Variants in DNAH11 observed in about 807,000 individuals in gnomAD.
The protein encoded by DNAH11 is dynein axonemal heavy chain 11, also known as axonemal beta dynein heavy chain 11.
DNAH11 carries 442 observed loss-of-function variants against 526.0 expected under a neutral mutation model. The ratio of observed to expected loss-of-function variants is 0.84; its 90% confidence interval spans 0.78 to 0.91. The LOEUF is 0.91. DNAH11 is among the 40% of genes least tolerant of loss of function. The pLI, the probability that DNAH11 is intolerant of heterozygous loss-of-function variation, is 0.00. For missense variants in DNAH11, 6,989 were observed against 5,448.7 expected (o/e 1.28, Z -8.90); for synonymous variants, 2,461 against 1,935.9 (o/e 1.27, Z -7.12).
intron 63 of DNAH11, among the ~76,000 whole-genome samples, chr7:21,811,062 C>A (rs1482495848): frequency 6.6e-6 from 1 of 152,140 alleles, no homozygotes; most frequent in African/African-American, 2.4e-5. Flanking sequence ...GATTTTTAAA[C>A]ATACGGTATA....
intron 65 of DNAH11, among the ~76,000 whole-genome samples, chr7:21,832,788 T>C (rs1398394557): frequency 1.3e-5 from 2 of 152,208 alleles, no homozygotes; most frequent in Non-Finnish European, 2.9e-5. Context: ...GAATGGCTTT[T>C]AAAGGATTGG....
chr7:21,851,365 A>G (rs139291125), intron 66 of DNAH11: 2 of 303,180 alleles, frequency 6.6e-6, no homozygotes, highest in African/African-American at 4.3e-5. Flanking sequence ...CTATGAGTCA[A>G]TTAAATCTCT....
chr7:21,736,037 A>G (rs2128489217), intron 46 of DNAH11, among the ~76,000 whole-genome samples, 193 bp downstream of exon 46: 1 of 152,264 alleles, frequency 6.6e-6, no homozygotes, highest in East Asian at 1.9e-4. Flanking sequence ...TTTTTATGTC[A>G]CTCATGGCTT....
Position 21,735,809 on chromosome 7 carries a change from C to G in DNAH11, c.7610C>G (p.Pro2537Arg), listed in dbSNP as rs1224992389. Residue 2537 changes from proline (P) to arginine (R), a missense_variant, in exon 46 of 82, where the codon CCT (proline) becomes CGT (arginine). Coordinates refer to ENST00000409508, the MANE Select transcript of DNAH11 (RefSeq NM_001277115.2). The part of the protein sequence containing the change: ...LSEDYIVSRV[P>R]FNYYTTSTAL... ...GAGGATTACATAGTATCCCGTGTGC[C>G]TTTCAACTACTACACGACATCCACA... 1 of 1,613,398 alleles carries G rather than the reference C, an allele frequency of 6.2e-7. No homozygotes were observed. The highest frequency in any genetic ancestry group is 1.1e-5 in the South Asian group (1 of 90,976).
rs572667769 is a variant in DNAH11, at chr7:21,714,703, G to C, written c.6983+2843G>C. 9.2e-4 allele frequency among the ~76,000 whole-genome samples: 140 copies of C among 152,286 alleles called. 1 individual carries two copies. The highest frequency in any genetic ancestry group is 3.3e-3 in the African/African-American group (137 of 41,560). Reference sequence around the variant, plus strand: ...AGAAAAGTTGGAAAGGTAGTACAATGCGCAGCCAGAGACGCTTTTCCTGCA... The same window carrying C: ...AGAAAAGTTGGAAAGGTAGTACAATCCGCAGCCAGAGACGCTTTTCCTGCA... On this transcript the variant is annotated intron_variant, in intron 42 of 81. Transcript: ENST00000409508.
intron 11 of DNAH11, 100 bp from the exon 12 acceptor site, chr7:21,589,108 T>G (rs1194779456): frequency 3.4e-6 from 3 of 888,072 alleles, no homozygotes; most frequent in Non-Finnish European, 4.8e-6. Flanking sequence ...CCTGGTTGTT[T>G]ATAGTGTATT....
chr7:21,651,648 G>A (rs1267740013), intron 28 of DNAH11, among the ~76,000 whole-genome samples: 1 of 152,206 alleles, frequency 6.6e-6, no homozygotes, highest in East Asian at 1.9e-4. Context: ...TTAGATAAAT[G>A]TAAGTTCTTT....
At chr7:21,821,747 TAATA>T (rs1790059714) in intron 65 of DNAH11, among the ~76,000 whole-genome samples, 1 of 152,046 alleles carries the variant, frequency 6.6e-6, no homozygotes, top group East Asian at 1.9e-4. Context: ...TTAAAATATA[TAATA>T]AATTATTGGT....
chr7:21,609,361 A>G (rs1583525135), intron 20 of DNAH11, among the ~76,000 whole-genome samples: 1 of 152,104 alleles, frequency 6.6e-6, no homozygotes, highest in Non-Finnish European at 1.5e-5. Context: ...GACCACAGAC[A>G]GGCACGCACC....
intron 2 of DNAH11, among the ~76,000 whole-genome samples, chr7:21,557,613 A>G (rs1783272011): frequency 6.6e-6 from 1 of 151,990 alleles, no homozygotes. Flanking sequence ...TCCTAATACC[A>G]TCATTTTGGG....
chr7:21,882,263 C>T lies in DNAH11; in HGVS notation c.12387+1370C>T, dbSNP rs145103110. Among the ~76,000 whole-genome samples, 11 of 152,230 alleles carry T rather than the reference C, an allele frequency of 7.2e-5. No homozygotes were observed. The East Asian group carries it at 1.9e-3, about 27-fold the overall frequency. ...GTCTTGGAAACACCAGTTGACCAACCGAGTCACACTGTGTCCTGCTTTTTT... is the reference window on the plus strand; with the variant it reads ...GTCTTGGAAACACCAGTTGACCAACTGAGTCACACTGTGTCCTGCTTTTTT... On this transcript the variant is annotated intron_variant, in intron 75 of 81. Transcript: ENST00000409508.
intron 6 of DNAH11, among the ~76,000 whole-genome samples, chr7:21,564,718 T>C (rs1464165309): frequency 6.6e-6 from 1 of 152,138 alleles, no homozygotes; most frequent in Non-Finnish European, 1.5e-5. Flanking sequence ...TCCCTTCGGT[T>C]TTCACAGAAA....
intron 54 of DNAH11, among the ~76,000 whole-genome samples, chr7:21,753,721 G>A (rs564749513): frequency 1.3e-5 from 2 of 152,180 alleles, no homozygotes; most frequent in African/African-American, 4.8e-5. Context: ...CTATAAATTA[G>A]TAAAGCTTTA....
chr7:21,599,782 T>A lies in DNAH11; in HGVS notation c.2668-5T>A. The A allele has an allele frequency of 6.5e-7, 1 of 1,528,492 alleles. No homozygotes were observed. Among genetic ancestry groups the A allele is most frequent in the Non-Finnish European group, 8.8e-7 (1 of 1,138,070 alleles). 94.7% of individuals were successfully genotyped at this position (1,528,492 alleles called of 1,614,324 possible). On this transcript the variant is annotated splice_polypyrimidine_tract_variant and splice_region_variant and intron_variant, in intron 14 of 81. Coordinates refer to ENST00000409508, the MANE Select transcript of DNAH11 (RefSeq NM_001277115.2). Reference sequence around the variant, plus strand: ...ATTCATCCACTAATACTTGTCTGTTTCTAGGAAAATAGGAAGCTCTTCAAA... The same window carrying A: ...ATTCATCCACTAATACTTGTCTGTTACTAGGAAAATAGGAAGCTCTTCAAA...
chr7:21,625,946 C>A (rs540853828), intron 25 of DNAH11, among the ~76,000 whole-genome samples: 6 of 151,808 alleles, frequency 4.0e-5, no homozygotes, highest in Non-Finnish European at 8.8e-5. Flanking sequence ...TATATTGATG[C>A]GTAAGAGATG....
intron 68 of DNAH11, among the ~76,000 whole-genome samples, chr7:21,858,706 G>A (rs1782948093): frequency 6.6e-6 from 1 of 152,156 alleles, no homozygotes; most frequent in African/African-American, 2.4e-5. Context: ...TAATTGACTG[G>A]GGCTGGCGAT....
At chr7:21,698,290 T>G in intron 36 of DNAH11, 77 bp downstream of exon 36, 1 of 1,570,876 alleles carries the variant, frequency 6.4e-7, no homozygotes, top group South Asian at 1.2e-5. Flanking sequence ...TTTAGGTAAT[T>G]TATCATTCAA....
At chr7:21,545,259 G>T (rs986555324) in intron 2 of DNAH11, 110 bp downstream of exon 2, 20 of 517,834 alleles carry the variant, frequency 3.9e-5, no homozygotes, top group Non-Finnish European at 5.0e-5. Flanking sequence ...GGGAAGGGAA[G>T]GGGATGGGGG....
intron 30 of DNAH11, among the ~76,000 whole-genome samples, chr7:21,666,887 T>A (rs1782441502): frequency 6.6e-6 from 1 of 151,858 alleles, no homozygotes; most frequent in South Asian, 2.1e-4. Flanking sequence ...TTACATTGAA[T>A]GACAGGTAAG....
Sources: allele counts gnomAD v4.1 joint callset (sites outside exome capture counted in the v4.1 genomes callset), GRCh38; gene constraint gnomAD v4.1.1; transcripts MANE v1.5; gene names NCBI Gene and HGNC (gene_info 2026-07-23, HGNC 2026-07-21).